AP2M1: variants seen among roughly 807,000 people sequenced by gnomAD.
AP2M1 encodes adaptor related protein complex 2 subunit mu 1, also known as AP-2 complex subunit mu.
Under a neutral mutation model 54.5 loss-of-function variants are expected in AP2M1, and 5 were observed. The observed-to-expected ratio is 0.09, with a 90% CI of 0.05 to 0.19. AP2M1 has a LOEUF of 0.19. AP2M1 is among the 10% of genes least tolerant of loss of function. The pLI is 1.00. For synonymous variants in AP2M1, 186 were observed against 208.2 expected, an observed-to-expected ratio of 0.89 and a Z score of 0.92; for missense variants, 178 against 580.2, an observed-to-expected ratio of 0.31 and a Z score of 7.12.
intron 1 of AP2M1, among the ~76,000 whole-genome samples, chr3:184,176,364 G>A (rs1715072697): frequency 6.6e-6 from 1 of 152,104 alleles, no homozygotes; most frequent in Admixed American, 6.5e-5. Context: ...CACACTCCCG[G>A]GTCCACATTA....
intron 3 of AP2M1, 194 bp downstream of exon 3, chr3:184,179,316 A>G (rs1577058719): frequency 1.5e-6 from 1 of 675,912 alleles, no homozygotes; most frequent in African/African-American, 1.8e-5. Flanking sequence ...GCTGGTCTGA[A>G]GTAGAACACA....
chr3:184,176,663 A>T, intron 1 of AP2M1: 1 of 403,422 alleles, frequency 2.5e-6, no homozygotes. Flanking sequence ...TCCTGAGCTC[A>T]GTGCTGGGGA....
Position 184,182,676 on chromosome 3 carries a change from T to C in AP2M1, c.1062-81T>C. Reference sequence around the variant, plus strand: ...TGGCACCTCCTGCAAGCTCCTGGGCTCTCTCCTTGCTTGAAATGGGCAACT... The same window carrying C: ...TGGCACCTCCTGCAAGCTCCTGGGCCCTCTCCTTGCTTGAAATGGGCAACT... On this transcript the variant is annotated intron_variant, in intron 10 of 11. Coordinates refer to ENST00000292807, the MANE Select transcript of AP2M1 (RefSeq NM_004068.4). The surrounding 1 kb of genome is among the most constrained non-coding windows in gnomAD (Gnocchi z 5.5). 2 of 1,238,630 alleles carry C rather than the reference T, an allele frequency of 1.6e-6. No individual in the cohort carries two copies. The highest frequency in any genetic ancestry group is 2.3e-6 in the Non-Finnish European group (2 of 857,142). The allele number at this position is 1,238,630 out of a possible 1,614,324, so 76.7% of individuals were successfully genotyped here.
intron 1 of AP2M1, among the ~76,000 whole-genome samples, chr3:184,176,479 G>A (rs1435298767): frequency 2.6e-5 from 4 of 152,206 alleles, no homozygotes; most frequent in Non-Finnish European, 5.9e-5. Context: ...TCTCTGAAGG[G>A]TAGTGGAGCC....
At chr3:184,179,271 C>G in intron 3 of AP2M1, 149 bp downstream of exon 3, 1 of 1,024,956 alleles carries the variant, frequency 9.8e-7, no homozygotes, top group Non-Finnish European at 1.4e-6. Context: ...GATCTCTATG[C>G]CCCTCAGAAG....
At position 184,183,659 on chromosome 3, in the gene AP2M1, C is replaced by T. The variant is rs1407052811; in HGVS notation, c.*43C>T. 2 of 1,606,060 alleles carry T rather than the reference C, an allele frequency of 1.2e-6. No individual in the cohort carries two copies. The highest frequency in any genetic ancestry group is 1.7e-5 in the Admixed American group (1 of 58,774). On this transcript the variant is annotated 3_prime_UTR_variant, in exon 12 of 12. Transcript: ENST00000292807. This position sits in a 1 kb window ranked among gnomAD's most constrained non-coding sequence, Gnocchi z 5.7. ...GCCCACCTCCCCAGCCACCCTCCTCCACAGGTCCAGGTGCCGCTCCCTCCC... is the reference window on the plus strand; with the variant it reads ...GCCCACCTCCCCAGCCACCCTCCTCTACAGGTCCAGGTGCCGCTCCCTCCC...
In AP2M1 at chr3:184,180,758, A is replaced by C. The variant is rs767316644; in HGVS notation, c.430-91A>C. On this transcript the variant is annotated intron_variant, in intron 5 of 11. Transcript: ENST00000292807. The surrounding 1 kb of genome is among the most constrained non-coding windows in gnomAD (Gnocchi z 4.9). ...GGATTACAGGTGGGGACTAGAAGGG[A>C]TGGGGAATGAGGGTGGAGTGGGGAT... The C allele has an allele frequency of 6.2e-7, 1 of 1,613,964 alleles. No individual in the cohort carries two copies. Among genetic ancestry groups the C allele is most frequent in the South Asian group, 1.1e-5 (1 of 91,066 alleles).
In AP2M1 at chr3:184,183,619, GC is replaced by G. The variant is rs748178221; in HGVS notation, c.*5del. The G allele has an allele frequency of 1.7e-5, 27 of 1,612,174 alleles. No individual in the cohort carries two copies. In the East Asian group the frequency reaches 5.3e-4, roughly 32 times the overall value. ...GCATTTATGAAACTCGCTGCTAGCT[GC>G]CACTAGGCAGCTAGCCCACCTCCCC... is the stretch of plus-strand genomic sequence containing the variant. On this transcript the variant is annotated 3_prime_UTR_variant, in exon 12 of 12. Transcript: ENST00000292807. This position sits in a 1 kb window ranked among gnomAD's most constrained non-coding sequence, Gnocchi z 5.7.
At chr3:184,175,398 CTCT>C (rs528062119) in intron 1 of AP2M1, among the ~76,000 whole-genome samples, 138 of 152,264 alleles carry the variant, frequency 9.1e-4, no homozygotes, top group African/African-American at 3.2e-3. Flanking sequence ...CACCCCGCGG[CTCT>C]TCTTCCTTAG....
At position 184,182,071 on chromosome 3, in the gene AP2M1, GA is replaced by G. The variant is rs1454579755; in HGVS notation, c.963+25del. 1.9e-6 allele frequency: 3 copies of G among 1,611,838 alleles called. No homozygotes were observed. The stretch of plus-strand genomic sequence containing the variant: ...AGGTGAGGACAGGGGGCTCAAGGAG[GA>G]GGAAGAACTTGTCCCTAGGAATAAA... On this transcript the variant is annotated intron_variant, in intron 9 of 11. Transcript: ENST00000292807. The surrounding 1 kb of genome is among the most constrained non-coding windows in gnomAD (Gnocchi z 5.5).
At position 184,180,842 on chromosome 3, in the gene AP2M1, C is replaced by G. The variant is rs1267702671; in HGVS notation, c.430-7C>G. 1.2e-6 allele frequency: 2 copies of G among 1,614,058 alleles called. No individual in the cohort carries two copies. Among genetic ancestry groups the G allele is most frequent in the African/African-American group, 1.3e-5 (1 of 74,936 alleles). On this transcript the variant is annotated splice_polypyrimidine_tract_variant and splice_region_variant and intron_variant, in intron 5 of 11. Coordinates refer to ENST00000292807, the MANE Select transcript of AP2M1 (RefSeq NM_004068.4). This position sits in a 1 kb window ranked among gnomAD's most constrained non-coding sequence, Gnocchi z 4.9. ...GGCCATTGCTGTTTGTTTCTGCCCT[C>G]ATGTAGACAAAAGAAGAGCAGTCAC...
chr3:184,183,752 T>C lies in AP2M1; in HGVS notation c.*136T>C. On this transcript the variant is annotated 3_prime_UTR_variant, in exon 12 of 12. Transcript: ENST00000292807. This position sits in a 1 kb window ranked among gnomAD's most constrained non-coding sequence, Gnocchi z 5.7. ...CCCTTTGCACCAGCCCGAGTCTAGG[T>C]CTGGGCCAAGCACATTACAAGTGGG... 2 of 1,098,422 alleles carry C rather than the reference T, an allele frequency of 1.8e-6. No individual in the cohort carries two copies. The highest frequency in any genetic ancestry group is 2.6e-6 in the Non-Finnish European group (2 of 774,504). 68.0% of individuals were successfully genotyped at this position (1,098,422 alleles called of 1,614,324 possible). A position where few individuals can be genotyped will look rare whatever the true frequency, so the allele number is the denominator to read the frequency against.
intron 1 of AP2M1, 42 bp from the exon 2 acceptor site, chr3:184,176,909 C>T (rs1389718012): frequency 7.1e-7 from 1 of 1,400,604 alleles, no homozygotes. Context: ...ATGTTGGCAG[C>T]GATTCTGAGG....
chr3:184,180,070 A>T lies in AP2M1; in HGVS notation c.341-99A>T, dbSNP rs1157601231. On this transcript the variant is annotated intron_variant, in intron 3 of 11. Coordinates refer to ENST00000292807, the MANE Select transcript of AP2M1 (RefSeq NM_004068.4). This position sits in a 1 kb window ranked among gnomAD's most constrained non-coding sequence, Gnocchi z 4.9. ...AAGACTTTCTTGCGGATGATCCCAC[A>T]TGGGCTTTGGGAGCTGTGCCGGTCA... 9.0e-7 allele frequency: 1 copy of T among 1,105,404 alleles called. No homozygotes were observed. Among genetic ancestry groups the T allele is most frequent in the East Asian group, 2.4e-5 (1 of 41,552 alleles). 68.5% of individuals were successfully genotyped at this position (1,105,404 alleles called of 1,614,324 possible).
chr3:184,178,091 C>A lies in AP2M1; in HGVS notation c.75-766C>A, dbSNP rs539395048. ...TCACACGCCGCCTTGCCTGTCTTGT[C>A]TGCTTCTGCCTCACGGTGTGTGCCG... On this transcript the variant is annotated intron_variant, in intron 2 of 11. Transcript: ENST00000292807. This position sits in a 1 kb window ranked among gnomAD's most constrained non-coding sequence, Gnocchi z 4.9. The A allele has an allele frequency of 5.8e-5, 70 of 1,200,910 alleles. No individual in the cohort carries two copies. In the African/African-American group the frequency reaches 6.9e-4, roughly 12 times the overall value. The allele number at this position is 1,200,910 out of a possible 1,614,324, so 74.4% of individuals were successfully genotyped here. A position where few individuals can be genotyped will look rare whatever the true frequency, so the allele number is the denominator to read the frequency against.
At chr3:184,179,330 A>G (rs1640091115) in intron 3 of AP2M1, 3 of 618,182 alleles carry the variant, frequency 4.9e-6, no homozygotes, top group African/African-American at 3.7e-5. Flanking sequence ...GAACACAGAA[A>G]TAGGCCAGCA....
chr3:184,179,239 A>G (rs912919985), intron 3 of AP2M1, 117 bp downstream of exon 3: 1 of 1,336,076 alleles, frequency 7.5e-7, no homozygotes, highest in East Asian at 2.3e-5. Flanking sequence ...TTCTTTCCTG[A>G]GTATTTGGTC....
chr3:184,176,919 G>A, intron 1 of AP2M1, 32 bp from the exon 2 acceptor site: 7 of 1,490,748 alleles, frequency 4.7e-6, no homozygotes, highest in Non-Finnish European at 6.4e-6. Flanking sequence ...CGATTCTGAG[G>A]TCTTCTTTTA....
Position 184,181,396 on chromosome 3 carries a change from G to A in AP2M1, c.707+170G>A. The A allele has an allele frequency of 9.3e-7, 1 of 1,070,902 alleles. No individual in the cohort carries two copies. The highest frequency in any genetic ancestry group is 1.3e-6 in the Non-Finnish European group (1 of 748,540). The allele number at this position is 1,070,902 out of a possible 1,614,324, so 66.3% of individuals were successfully genotyped here. On this transcript the variant is annotated intron_variant, in intron 7 of 11. Transcript: ENST00000292807. The surrounding 1 kb of genome is among the most constrained non-coding windows in gnomAD (Gnocchi z 5.7). ...ACATTAGTGCTACGAGAGATGAGGGGATCGTCCTCAGAGAGCAAGCCCCTT... is the reference window on the plus strand; with the variant it reads ...ACATTAGTGCTACGAGAGATGAGGGAATCGTCCTCAGAGAGCAAGCCCCTT...
Sources: gnomAD v4.1 joint callset for allele counts (sites outside exome capture counted in the v4.1 genomes callset) on GRCh38, gnomAD v4.1.1 for gene constraint, Gnocchi (gnomAD v3.1) non-coding constraint, MANE v1.5 for transcripts, NCBI Gene and HGNC (gene_info 2026-07-23, HGNC 2026-07-21) for gene names.